OXCT1: variants seen among roughly 807,000 people sequenced by gnomAD.
OXCT1 encodes succinyl-CoA:3-ketoacid coenzyme A transferase 1, mitochondrial.
OXCT1 carries 27 observed loss-of-function variants against 69.6 expected under a neutral mutation model. The observed-to-expected ratio is 0.39, with a 90% CI of 0.29 to 0.54. OXCT1 has a LOEUF of 0.54. Ranked by LOEUF, OXCT1 falls within the 20% of genes least tolerant of loss-of-function variation. The pLI is 0.72. For missense variants in OXCT1, 437 were observed against 650.2 expected (o/e 0.67, Z 3.57); for synonymous variants, 202 against 217.8 (o/e 0.93, Z 0.64).
intron 7 of OXCT1, among the ~76,000 whole-genome samples, chr5:41,839,155 C>T (rs370703940): frequency 1.3e-5 from 2 of 152,226 alleles, no homozygotes; most frequent in South Asian, 2.1e-4. Context: ...TTTCCTAATA[C>T]CTGCAATGAT....
chr5:41,849,987 G>A, intron 5 of OXCT1, 43 bp downstream of exon 5: 1 of 1,605,072 alleles, frequency 6.2e-7, no homozygotes, highest in Middle Eastern at 1.7e-4. Flanking sequence ...ATCCCACGTG[G>A]AAAGAGGGAT....
At position 41,798,558 on chromosome 5, in the gene OXCT1, T is replaced by C. The variant is rs978601162; in HGVS notation, c.1099+2464A>G. The stretch of plus-strand genomic sequence containing the variant: ...GGGGGCAAAATCAGACCCCACCCCA[T>C]TGAAAACGACTAGTGCAGAGAGGAC... On this transcript the variant is annotated intron_variant, in intron 11 of 16. Transcript: ENST00000196371. 2.0e-5 allele frequency among the ~76,000 whole-genome samples: 3 copies of C among 152,092 alleles called. No individual in the cohort carries two copies. In the South Asian group the frequency reaches 6.2e-4, roughly 32 times the overall value.
chr5:41,848,471 G>A (rs1483023834), intron 5 of OXCT1, among the ~76,000 whole-genome samples: 2 of 145,532 alleles, frequency 1.4e-5, no homozygotes, highest in South Asian at 2.2e-4. Flanking sequence ...AGCCCGCATC[G>A]CCAAGTCAAT....
intron 11 of OXCT1, among the ~76,000 whole-genome samples, chr5:41,799,717 G>A (rs1396849543): frequency 6.6e-6 from 1 of 152,140 alleles, no homozygotes; most frequent in South Asian, 2.1e-4. Context: ...TATTGCTAAA[G>A]GGTACAGTAC....
At chr5:41,849,408 T>C (rs1198992023) in intron 5 of OXCT1, among the ~76,000 whole-genome samples, 1 of 152,202 alleles carries the variant, frequency 6.6e-6, no homozygotes, top group Non-Finnish European at 1.5e-5. Context: ...TTTGAAATTT[T>C]CTCCAACCTG....
intron 3 of OXCT1, among the ~76,000 whole-genome samples, chr5:41,857,287 TTTCA>T (rs1455780561): frequency 6.6e-5 from 10 of 152,204 alleles, no homozygotes; most frequent in Non-Finnish European, 1.3e-4. Context: ...GTGATGGTAC[TTTCA>T]TTCAGAGTAA....
chr5:41,781,668 A>C (rs1352696416), intron 13 of OXCT1, among the ~76,000 whole-genome samples: 3 of 152,064 alleles, frequency 2.0e-5, no homozygotes, highest in Non-Finnish European at 4.4e-5. Flanking sequence ...ATGTGTTTTC[A>C]TCGTTCAGCT....
At chr5:41,821,291 C>T (rs1244048389) in intron 7 of OXCT1, among the ~76,000 whole-genome samples, 2 of 152,124 alleles carry the variant, frequency 1.3e-5, no homozygotes, top group African/African-American at 4.8e-5. Flanking sequence ...AAAGTCAGTA[C>T]ACAGTGCCAA....
At chr5:41,830,348 T>A (rs1384946982) in intron 7 of OXCT1, among the ~76,000 whole-genome samples, 4 of 152,206 alleles carry the variant, frequency 2.6e-5, no homozygotes, top group Non-Finnish European at 5.9e-5. Flanking sequence ...AGACACCTTT[T>A]TCTTTCTCTT....
At chr5:41,868,718 G>T (rs1268959003) in intron 1 of OXCT1, among the ~76,000 whole-genome samples, 13 of 149,974 alleles carry the variant, frequency 8.7e-5, no homozygotes, top group Non-Finnish European at 1.6e-4. Flanking sequence ...GCGAGACTCC[G>T]TCTCAAAAAA....
intron 5 of OXCT1, among the ~76,000 whole-genome samples, chr5:41,848,379 T>G (rs1749023758): frequency 1.3e-5 from 2 of 148,338 alleles, no homozygotes; most frequent in South Asian, 2.2e-4. Context: ...ACAGATTCAA[T>G]GCCATCCCCA....
At chr5:41,767,461 T>C (rs1412389466) in intron 13 of OXCT1, among the ~76,000 whole-genome samples, 2 of 151,840 alleles carry the variant, frequency 1.3e-5, no homozygotes, top group Non-Finnish European at 2.9e-5. Context: ...ACTCAAATTT[T>C]TATTTTAATA....
chr5:41,842,862 T>C (rs1365572344), intron 5 of OXCT1, 81 bp from the exon 6 acceptor site: 2 of 947,504 alleles, frequency 2.1e-6, no homozygotes, highest in Admixed American at 3.4e-5. Context: ...AGGTAGATAA[T>C]AAGGATACAA....
At position 41,762,354 on chromosome 5, in the gene OXCT1, C is replaced by T. The variant is rs953311975; in HGVS notation, c.1249-154G>A. Among the ~76,000 whole-genome samples, 1 of 152,102 alleles carries T rather than the reference C, an allele frequency of 6.6e-6. No individual in the cohort carries two copies. Among genetic ancestry groups the T allele is most frequent in the Non-Finnish European group, 1.5e-5 (1 of 68,016 alleles). ...AGTTCTATAACCTAATATTCTGTCA[C>T]TCTATTATTCTGTGGTTGAAGGATA... On this transcript the variant is annotated intron_variant, in intron 13 of 16. Coordinates refer to ENST00000196371, the MANE Select transcript of OXCT1 (RefSeq NM_000436.4). The surrounding 1 kb of genome is among the most constrained non-coding windows in gnomAD (Gnocchi z 4.0).
chr5:41,735,689 G>A (rs1198315346), intron 16 of OXCT1, among the ~76,000 whole-genome samples: 1 of 152,218 alleles, frequency 6.6e-6, no homozygotes, highest in Non-Finnish European at 1.5e-5. Flanking sequence ...GGACAGGGGA[G>A]CCTTTATTCC....
intron 3 of OXCT1, among the ~76,000 whole-genome samples, chr5:41,859,866 T>TATATATATGTA (rs1749637327): frequency 1.1e-5 from 1 of 95,070 alleles, no homozygotes; most frequent in African/African-American, 3.9e-5. Context: ...AGTATAGTAA[T>TATATATATGTA]ATATATATAT....
chr5:41,803,553 T>A (rs1180705355), intron 9 of OXCT1, among the ~76,000 whole-genome samples: 1 of 152,132 alleles, frequency 6.6e-6, no homozygotes, highest in Non-Finnish European at 1.5e-5. Flanking sequence ...AAAGTAAAGA[T>A]CGTTTTTCAT....
In OXCT1 at chr5:41,749,576, G is replaced by C. The variant is rs369643387; in HGVS notation, c.1370C>G (p.Thr457Arg). 29 of 1,608,992 alleles carry C rather than the reference G, an allele frequency of 1.8e-5. No individual in the cohort carries two copies. Among genetic ancestry groups the C allele is most frequent in the Middle Eastern group, 1.7e-4 (1 of 6,060 alleles). The part of the protein sequence containing the change: ...GNAHKIMEKC[T>R]LPLTGKQCVN... Reference sequence around the variant, plus strand: ...ACATTGCTTTCCAGTCAATGGTAATGTACATTTCTCCATGATTTTATGTGC... The same window carrying C: ...ACATTGCTTTCCAGTCAATGGTAATCTACATTTCTCCATGATTTTATGTGC... Residue 457 changes from threonine to arginine, a missense_variant, in exon 15 of 17, where the codon ACA becomes AGA. Transcript: ENST00000196371.
chr5:41,788,655 A>C (rs1745764661), intron 13 of OXCT1, among the ~76,000 whole-genome samples: 1 of 152,196 alleles, frequency 6.6e-6, no homozygotes, highest in South Asian at 2.1e-4. Flanking sequence ...AAAACAGATA[A>C]AGGAAAAAGT....
Sources: allele counts gnomAD v4.1 joint callset (sites outside exome capture counted in the v4.1 genomes callset), GRCh38; gene constraint gnomAD v4.1.1; non-coding constraint Gnocchi (gnomAD v3.1); transcripts MANE v1.5; gene names NCBI Gene and HGNC (gene_info 2026-07-23, HGNC 2026-07-21).